Variants in LAMC3 observed in about 807,000 individuals in gnomAD.
The protein encoded by LAMC3 is laminin subunit gamma-3.
In LAMC3, 128 loss-of-function variants were observed where a neutral mutation model predicts 173.8. The observed-to-expected ratio is 0.74, with a 90% confidence interval of 0.64 to 0.85. The LOEUF (loss-of-function observed/expected upper bound fraction) is 0.85, where lower values mean the gene tolerates loss of function less well. Among genes scored for constraint, LAMC3 ranks in the 40% least tolerant of loss-of-function variants. The pLI, the probability that LAMC3 is intolerant of heterozygous loss-of-function variation, is 0.00. For missense variants in LAMC3, 2,022 were observed against 2,156.0 expected (o/e 0.94, Z 1.23); for synonymous variants, 897 against 909.1 (o/e 0.99, Z 0.24).
Position 131,052,630 on chromosome 9 carries a change from C to T in LAMC3, c.1770C>T (p.Ser590=), listed in dbSNP as rs535615357. ...TGLALSLRHS[S]LSGPQDAGHP... ...TGGCCCTGTCCCTGAGGCACTCTAG[C>T]CTGTCTGGCCCCCAGGATGCCGGGC... The change falls in exon 10 of 28, where the codon AGC becomes AGT. Residue 590 remains serine, a synonymous_variant. Coordinates refer to ENST00000361069, the MANE Select transcript of LAMC3 (RefSeq NM_006059.4). The T allele has an allele frequency of 6.2e-7, 1 of 1,613,998 alleles. No individual in the cohort carries two copies. The highest frequency in any genetic ancestry group is 1.3e-5 in the African/African-American group (1 of 75,048).
intron 1 of LAMC3, among the ~76,000 whole-genome samples, chr9:131,011,428 G>A (rs535648776): frequency 2.6e-5 from 4 of 152,158 alleles, no homozygotes; most frequent in South Asian, 4.1e-4. Flanking sequence ...TGTGAGTTCC[G>A]CCACCCATCA....
At chr9:131,052,376 T>C in intron 9 of LAMC3, 115 bp from the exon 10 acceptor site, 12 of 987,550 alleles carry the variant, frequency 1.2e-5, no homozygotes, top group Non-Finnish European at 1.9e-5. Flanking sequence ...TTTGATTTTC[T>C]ACCCACTGCA....
At chr9:131,014,843 C>T (rs150752737) in intron 1 of LAMC3, among the ~76,000 whole-genome samples, 97 of 152,202 alleles carry the variant, frequency 6.4e-4, no homozygotes, top group African/African-American at 2.2e-3. Context: ...ATTAGCCGGG[C>T]GCGGGGGCAA....
At chr9:131,019,739 A>G (rs1011329137) in intron 1 of LAMC3, among the ~76,000 whole-genome samples, 1 of 152,092 alleles carries the variant, frequency 6.6e-6, no homozygotes, top group African/African-American at 2.4e-5. Context: ...CCTACTCAGG[A>G]GTCCATGGAG....
intron 4 of LAMC3, among the ~76,000 whole-genome samples, chr9:131,036,996 G>C (rs755702440): frequency 6.6e-6 from 1 of 152,250 alleles, no homozygotes; most frequent in Non-Finnish European, 1.5e-5. Flanking sequence ...TCACTCACAG[G>C]CTCGCTGGGC....
intron 11 of LAMC3, among the ~76,000 whole-genome samples, chr9:131,053,313 C>G (rs1276572739): frequency 6.6e-6 from 1 of 152,202 alleles, no homozygotes; most frequent in Non-Finnish European, 1.5e-5. Flanking sequence ...CTGGACACAG[C>G]CCACAGCCGG....
intron 1 of LAMC3, among the ~76,000 whole-genome samples, chr9:131,015,120 GC>G (rs1833496605): frequency 6.6e-6 from 1 of 152,196 alleles, no homozygotes; most frequent in Non-Finnish European, 1.5e-5. Flanking sequence ...ACAGTCACTT[GC>G]CCAGTGAACC....
At chr9:131,042,801 C>T (rs1834079542) in intron 7 of LAMC3, among the ~76,000 whole-genome samples, 1 of 151,732 alleles carries the variant, frequency 6.6e-6, no homozygotes, top group Non-Finnish European at 1.5e-5. Context: ...GTCAACACAC[C>T]CCTTTCACAC....
Position 131,068,133 on chromosome 9 carries a change from G to A in LAMC3, c.2649G>A (p.Val883=), listed in dbSNP as rs143175021. 6.3e-5 allele frequency: 101 copies of A among 1,613,106 alleles called. No individual in the cohort carries two copies. The highest frequency in any genetic ancestry group is 3.3e-5 in the Non-Finnish European group (39 of 1,180,048). Residue 883 remains valine, a synonymous_variant, in exon 15 of 28, where the codon GTG becomes GTA. Transcript: ENST00000361069. ...GTGAGCAGATGCCCTGCGACCCAGTGACAGGCCAATGCTCCTGCCTGCCTC... is the reference window on the plus strand; with the variant it reads ...GTGAGCAGATGCCCTGCGACCCAGTAACAGGCCAATGCTCCTGCCTGCCTC... ...SVSEQMPCDP[V]TGQCSCLPHV...
intron 1 of LAMC3, among the ~76,000 whole-genome samples, chr9:131,022,215 A>C (rs1833637153): frequency 6.9e-6 from 1 of 144,662 alleles, no homozygotes; most frequent in Non-Finnish European, 1.5e-5. Flanking sequence ...TGTGGATGAA[A>C]ACACACACAC....
intron 1 of LAMC3, among the ~76,000 whole-genome samples, chr9:131,010,164 A>G (rs1833387598): frequency 6.6e-6 from 1 of 150,596 alleles, no homozygotes; most frequent in African/African-American, 2.4e-5. Flanking sequence ...AAAAAAAAAA[A>G]AAAAAAAAAA....
chr9:131,013,431 G>A (rs1039957883), intron 1 of LAMC3, among the ~76,000 whole-genome samples: 1 of 152,116 alleles, frequency 6.6e-6, no homozygotes, highest in African/African-American at 2.4e-5. Context: ...TCCCTCCCCC[G>A]CAGGTCCCGG....
intron 1 of LAMC3, among the ~76,000 whole-genome samples, chr9:131,013,583 C>T (rs971692202): frequency 3.3e-5 from 5 of 152,204 alleles, no homozygotes; most frequent in Non-Finnish European, 5.9e-5. Flanking sequence ...CAGGGCCCAC[C>T]AGAAGGCAGC....
At chr9:131,083,316 A>G (rs1830275028) in intron 24 of LAMC3, among the ~76,000 whole-genome samples, 1 of 152,154 alleles carries the variant, frequency 6.6e-6, no homozygotes, top group Non-Finnish European at 1.5e-5. Flanking sequence ...CACTGTTCCC[A>G]TAATCCACAG....
In LAMC3 at chr9:131,009,453, C is replaced by G; in HGVS notation, c.239C>G (p.Ala80Gly). 1 of 1,547,248 alleles carries G rather than the reference C, an allele frequency of 6.5e-7. No homozygotes were observed. Among genetic ancestry groups the G allele is most frequent in the Non-Finnish European group, 8.7e-7 (1 of 1,146,378 alleles). The change falls in exon 1 of 28, where the codon GCC (alanine) becomes GGC (glycine). Residue 80 changes from alanine to glycine, a missense_variant. Physicochemically the swap from Ala to Gly is moderately conservative, Grantham distance 60. Transcript: ENST00000361069. This position sits in a 1 kb window ranked among gnomAD's most constrained non-coding sequence, Gnocchi z 4.3. ...GCTCATTGCCAGCGCTGCGACGCCG[C>G]CGACCCCCAGCGCCACCACAACGCC... The part of the protein sequence containing the change: ...AGAHCQRCDA[A>G]DPQRHHNASY...
chr9:131,028,302 G>T (rs1478747805), intron 2 of LAMC3, among the ~76,000 whole-genome samples: 1 of 152,166 alleles, frequency 6.6e-6, no homozygotes, highest in African/African-American at 2.4e-5. Flanking sequence ...TCCTGGTGCC[G>T]AAAAGGTTGG....
chr9:131,019,903 G>A (rs947014495), intron 1 of LAMC3, among the ~76,000 whole-genome samples: 59 of 150,440 alleles, frequency 3.9e-4, no homozygotes, highest in Admixed American at 8.6e-4. Flanking sequence ...GCCCCGCACC[G>A]CCCACGCCAA....
At chr9:131,043,008 T>C (rs957170117) in intron 7 of LAMC3, among the ~76,000 whole-genome samples, 1 of 152,150 alleles carries the variant, frequency 6.6e-6, no homozygotes, top group Non-Finnish European at 1.5e-5. Context: ...AACCCTCCCC[T>C]TTCACACCCA....
rs535331935 is a variant in LAMC3, at chr9:131,049,068, C to A, written c.1568C>A (p.Pro523Gln). 7.1e-6 allele frequency: 11 copies of A among 1,552,172 alleles called. No individual in the cohort carries two copies. Among genetic ancestry groups the A allele is most frequent in the Non-Finnish European group, 8.7e-6 (10 of 1,147,340 alleles). Residue 523 changes from proline (P) to glutamine (Q), a missense_variant, in exon 9 of 28, where the codon CCA becomes CAA. Physicochemically the swap from Pro to Gln is moderately conservative, Grantham distance 76. Transcript: ENST00000361069. ...AGTGTGGGGGGCTCTGAGCACCCCC[C>A]ACAATGGAGCCCAAATGGGGTCCTC... ...ARSVGGSEHP[P>Q]QWSPNGVLLS...
Sources: allele counts gnomAD v4.1 joint callset (sites outside exome capture counted in the v4.1 genomes callset), GRCh38; gene constraint gnomAD v4.1.1; non-coding constraint Gnocchi (gnomAD v3.1); transcripts MANE v1.5; gene names NCBI Gene and HGNC (gene_info 2026-07-23, HGNC 2026-07-21).